BST1: variants seen among roughly 807,000 people sequenced by gnomAD.
The protein encoded by BST1 is bone marrow stromal cell antigen 1.
In BST1, 49 loss-of-function variants were observed where a neutral mutation model predicts 40.6. That is an observed-to-expected ratio of 1.21 (90% CI 0.96 to 1.53). BST1 has a LOEUF of 1.53. Among genes scored for constraint, BST1 ranks in the 40% most tolerant of loss-of-function variants. The pLI, the probability that BST1 is intolerant of heterozygous loss-of-function variation, is 0.00. For missense variants in BST1, 423 were observed against 395.9 expected, an observed-to-expected ratio of 1.07 and a Z score of -0.58; for synonymous variants, 157 against 159.3, an observed-to-expected ratio of 0.99 and a Z score of 0.11.
intron 8 of BST1, among the ~76,000 whole-genome samples, chr4:15,725,759 C>A (rs1408561119): frequency 6.6e-6 from 1 of 152,106 alleles, no homozygotes; most frequent in Non-Finnish European, 1.5e-5. Context: ...CTGAGTTAGT[C>A]AGATGATCTG....
chr4:15,710,386 AG>A (rs1720124294), intron 3 of BST1, among the ~76,000 whole-genome samples: 1 of 152,202 alleles, frequency 6.6e-6, no homozygotes, highest in East Asian at 1.9e-4. Context: ...TGATCAAATC[AG>A]GGTAATTAGC....
intron 6 of BST1, 122 bp from the exon 7 acceptor site, chr4:15,718,785 T>A: frequency 2.6e-6 from 2 of 780,690 alleles, no homozygotes; most frequent in Non-Finnish European, 4.0e-6. Flanking sequence ...CATTCCAGTT[T>A]TCTTTCTGAG....
chr4:15,737,882 C>T, exon 7 of BST1: 1 of 1,171,698 alleles, frequency 8.5e-7, no homozygotes, highest in Non-Finnish European at 1.1e-6. Context: ...CCGAAATCTC[C>T]AGAGGCTCTG....
intron 4 of BST1, among the ~76,000 whole-genome samples, chr4:15,713,914 G>GA (rs1720363035): frequency 6.6e-6 from 1 of 152,036 alleles, no homozygotes; most frequent in Non-Finnish European, 1.5e-5. Flanking sequence ...ATGTTAGCCA[G>GA]ACTGGTCGCA....
At chr4:15,772,135 T>A in the BST1 span, among the ~76,000 whole-genome samples, 1 of 152,168 alleles carries the variant, frequency 6.6e-6, no homozygotes, top group Non-Finnish European at 1.5e-5. Flanking sequence ...TTATTCCACG[T>A]GTGTTTATCA....
At chr4:15,769,000 C>A in the BST1 span, among the ~76,000 whole-genome samples, 1 of 151,958 alleles carries the variant, frequency 6.6e-6, no homozygotes, top group African/African-American at 2.4e-5. Context: ...CACATGTTTA[C>A]ATGATGGCAG....
At chr4:15,716,900 C>G (rs1027765410) in intron 6 of BST1, among the ~76,000 whole-genome samples, 5 of 152,050 alleles carry the variant, frequency 3.3e-5, no homozygotes, top group Non-Finnish European at 5.9e-5. Flanking sequence ...CTCAACCTCC[C>G]GAGTAGCTGG....
chr4:15,770,884 T>G, the BST1 span, among the ~76,000 whole-genome samples: 1 of 152,246 alleles, frequency 6.6e-6, no homozygotes, highest in Non-Finnish European at 1.5e-5. Context: ...GCCACAGATA[T>G]TTTTCAGCCT....
intron 3 of BST1, 24 bp from the exon 4 acceptor site, chr4:15,711,783 T>A: frequency 1.3e-6 from 2 of 1,544,560 alleles, no homozygotes; most frequent in Non-Finnish European, 1.8e-6. Context: ...TGGAATAAAA[T>A]GTGTTTGTCT....
chr4:15,721,593 G>A (rs1390138325), intron 7 of BST1, among the ~76,000 whole-genome samples: 1 of 151,210 alleles, frequency 6.6e-6, no homozygotes, highest in Non-Finnish European at 1.5e-5. Flanking sequence ...ACTCACAGGT[G>A]GGAACTGAAC....
chr4:15,767,585 G>A, the BST1 span, among the ~76,000 whole-genome samples: 1 of 149,568 alleles, frequency 6.7e-6, no homozygotes, highest in Non-Finnish European at 1.5e-5. Context: ...TTACAAGCGT[G>A]AGCCACCGTG....
At position 15,705,557 on chromosome 4, in the gene BST1, G is replaced by T; in HGVS notation, c.231G>T (p.Ala77=). The change falls in exon 2 of 9, where the codon GCG becomes GCT. Residue 77 remains alanine, a synonymous_variant. Coordinates refer to ENST00000265016, the MANE Select transcript of BST1 (RefSeq NM_004334.3). ...CTAIWEAFKV[A]LDKDPCSVLP... is the part of the protein sequence containing the mutation. ...CCATCTGGGAAGCCTTTAAAGTGGC[G>T]CTGGACAAGGATCCCTGCTCCGTGC... 1.2e-6 allele frequency: 2 copies of T among 1,607,690 alleles called. No individual in the cohort carries two copies. Among genetic ancestry groups the T allele is most frequent in the Non-Finnish European group, 1.7e-6 (2 of 1,177,378 alleles).
chr4:15,709,359 A>C (rs144239961), intron 3 of BST1, among the ~76,000 whole-genome samples: 1 of 152,228 alleles, frequency 6.6e-6, no homozygotes, highest in Non-Finnish European at 1.5e-5. Flanking sequence ...GCAAAGAGGA[A>C]AGTGTGAGCT....
chr4:15,707,874 T>TATAC (rs770334326), intron 3 of BST1, among the ~76,000 whole-genome samples: 31 of 142,480 alleles, frequency 2.2e-4, no homozygotes, highest in South Asian at 2.2e-4. Flanking sequence ...TATATATATA[T>TATAC]ACACATATAT....
downstream of BST1, chr4:15,736,111 C>A: frequency 7.8e-7 from 1 of 1,288,810 alleles, no homozygotes; most frequent in Non-Finnish European, 1.0e-6. Context: ...ATACAACCGC[C>A]GGTTCTAGCC....
intron 5 of BST1, 114 bp from the exon 6 acceptor site, chr4:15,715,590 AAAG>A: frequency 1.1e-6 from 1 of 879,838 alleles, no homozygotes. Flanking sequence ...AATAAAAGCT[AAAG>A]AAGAAAAACT....
chr4:15,738,193 A>G (rs1721638184), exon 7 of BST1: 1 of 181,444 alleles, frequency 5.5e-6, no homozygotes, highest in African/African-American at 2.3e-5. Flanking sequence ...GGATGCTGCC[A>G]GTGGGGGAGG....
Position 15,703,182 on chromosome 4 carries a change from A to AGCTGCT in BST1, c.44_49dup (p.Leu15_Leu16dup). ...GGGTGCGCGGCATCGCGGCTGCTCC[A>AGCTGCT]GCTGCTGCTGCAGCTTCTGCTTCTA... is the stretch of plus-strand genomic sequence containing the variant. On this transcript the variant is annotated inframe_insertion, in exon 1 of 9. Coordinates refer to ENST00000265016, the MANE Select transcript of BST1 (RefSeq NM_004334.3). The AGCTGCT allele has an allele frequency of 6.4e-7, 1 of 1,562,216 alleles. No individual in the cohort carries two copies.
intron 6 of BST1, among the ~76,000 whole-genome samples, chr4:15,718,323 A>T (rs1720623497): frequency 6.6e-6 from 1 of 152,172 alleles, no homozygotes; most frequent in Non-Finnish European, 1.5e-5. Flanking sequence ...TACAAAACAC[A>T]TTGGATAGCA....
Sources: allele counts gnomAD v4.1 joint callset (sites outside exome capture counted in the v4.1 genomes callset), GRCh38; gene constraint gnomAD v4.1.1; transcripts MANE v1.5; gene names NCBI Gene and HGNC (gene_info 2026-07-23, HGNC 2026-07-21).